Variants in UTRN observed in about 807,000 individuals in gnomAD.
The protein encoded by UTRN is utrophin.
Under a neutral mutation model 463.9 loss-of-function variants are expected in UTRN, and 283 were observed. The observed-to-expected ratio is 0.61, with a 90% CI of 0.55 to 0.67. The LOEUF is 0.67. UTRN is among the 30% of genes least tolerant of loss of function. The pLI, the probability that UTRN is intolerant of heterozygous loss-of-function variation, is 0.00. For synonymous variants in UTRN, 1,442 were observed against 1,431.5 expected (o/e 1.01, Z -0.17); for missense variants, 3,922 against 4,084.3 (o/e 0.96, Z 1.08).
intron 51 of UTRN, among the ~76,000 whole-genome samples, chr6:144,603,133 G>A (rs919076930): frequency 2.0e-5 from 3 of 151,992 alleles, no homozygotes; most frequent in Non-Finnish European, 4.4e-5. Context: ...AAGCATATTT[G>A]TATTTCTTTA....
In UTRN at chr6:144,678,507, T is replaced by TATGA; in HGVS notation, c.7584_7585insAATG (p.Leu2529AsnfsTer8). 6.2e-7 allele frequency: 1 copy of TATGA among 1,613,298 alleles called. No individual in the cohort carries two copies. The highest frequency in any genetic ancestry group is 8.5e-7 in the Non-Finnish European group (1 of 1,179,550). Reference sequence around the variant, plus strand: ...CTTTGGGAAATTCTGAAGAGGCTACTATGCTTCAACATCGACTGGATGATA... The same window carrying TATGA: ...CTTTGGGAAATTCTGAAGAGGCTACTATGAATGCTTCAACATCGACTGGATGATA... On this transcript the variant is annotated frameshift_variant, in exon 52 of 75. Coordinates refer to ENST00000367545, the MANE Select transcript of UTRN (RefSeq NM_007124.3). LOFTEE classifies it high-confidence loss of function.
chr6:144,814,566 A>G (rs2128751085), intron 65 of UTRN, among the ~76,000 whole-genome samples: 1 of 152,358 alleles, frequency 6.6e-6, no homozygotes, highest in South Asian at 2.1e-4. Context: ...AAAATGAGCA[A>G]CAAAAGTATC....
chr6:144,840,761 C>T lies in UTRN; in HGVS notation c.10199C>T (p.Pro3400Leu), dbSNP rs775432877. The T allele has an allele frequency of 2.5e-6, 4 of 1,614,004 alleles. No individual in the cohort carries two copies. The South Asian group carries it at 4.4e-5, about 18-fold the overall frequency. The change falls in exon 73 of 75, where the codon CCA becomes CTA. Residue 3400 changes from proline to leucine, a missense_variant. Pro to Leu is a moderately conservative substitution (Grantham distance 98, BLOSUM62 -3). Transcript: ENST00000367545. ...ACAGCGGGAGAGGACCTGCTGGCCC[C>T]ACCGCACGACACCAGCACGGATCTC... ...HQAAGEDLLA[P>L]PHDTSTDLTE... is the part of the protein sequence containing the mutation.
intron 9 of UTRN, among the ~76,000 whole-genome samples, chr6:144,430,409 A>T (rs1785695821): frequency 6.6e-6 from 1 of 152,158 alleles, no homozygotes; most frequent in East Asian, 1.9e-4. Context: ...TCATAAGATG[A>T]GAGAATCTTA....
At chr6:144,386,916 A>G (rs1263270011) in intron 2 of UTRN, among the ~76,000 whole-genome samples, 2 of 152,174 alleles carry the variant, frequency 1.3e-5, no homozygotes, top group Non-Finnish European at 2.9e-5. Flanking sequence ...CACTTCCGAA[A>G]TACTCCATTT....
chr6:144,386,977 A>C (rs1305425027), intron 2 of UTRN, among the ~76,000 whole-genome samples: 3 of 152,130 alleles, frequency 2.0e-5, no homozygotes, highest in Admixed American at 6.5e-5. Context: ...ATTTCATCAA[A>C]GTACATAAGC....
intron 2 of UTRN, among the ~76,000 whole-genome samples, chr6:144,362,425 T>C (rs1398965629): frequency 2.6e-5 from 4 of 152,360 alleles, no homozygotes; most frequent in Admixed American, 2.6e-4. Context: ...CAGAAAAATT[T>C]TGAATGTATT....
In UTRN at chr6:144,565,202, T is replaced by C. The variant is rs1800294582; in HGVS notation, c.7289+7891T>C. 1.3e-5 allele frequency among the ~76,000 whole-genome samples: 2 copies of C among 152,166 alleles called. 1 individual carries two copies. Among genetic ancestry groups the C allele is most frequent in the South Asian group, 4.1e-4 (2 of 4,828 alleles). On this transcript the variant is annotated intron_variant, in intron 50 of 74. Coordinates refer to ENST00000367545, the MANE Select transcript of UTRN (RefSeq NM_007124.3). ...GGAAACAATCCAAGATGGTATTTTG[T>C]AAAAGGATGAGTGGTGGTACCATTC...
Position 144,682,734 on chromosome 6 carries a change from AT to A in UTRN, c.7652+4159del, listed in dbSNP as rs562432605. On this transcript the variant is annotated intron_variant, in intron 52 of 74. Transcript: ENST00000367545. ...TAAATGATCTCTTCTTTATTTTTAT[AT>A]TTAAAAAATGAATAAGATAAAATTA... Among the ~76,000 whole-genome samples the A allele has an allele frequency of 3.4e-3, 511 of 152,318 alleles. 1 individual carries two copies. Among genetic ancestry groups the A allele is most frequent in the African/African-American group, 0.012 (479 of 41,582 alleles).
chr6:144,408,416 C>T (rs931346140), intron 3 of UTRN, among the ~76,000 whole-genome samples: 2 of 152,240 alleles, frequency 1.3e-5, no homozygotes, highest in African/African-American at 2.4e-5. Flanking sequence ...CAGAGCTGCT[C>T]ATCTGGCAGA....
At chr6:144,774,408 CGT>C in intron 60 of UTRN, 44 bp downstream of exon 60, 1 of 1,368,482 alleles carries the variant, frequency 7.3e-7, no homozygotes, top group Non-Finnish European at 9.6e-7. Flanking sequence ...ACTTGAATTG[CGT>C]TTTTTTTTTT....
intron 41 of UTRN, among the ~76,000 whole-genome samples, chr6:144,523,586 C>T (rs959144450): frequency 6.6e-6 from 1 of 152,166 alleles, no homozygotes; most frequent in Non-Finnish European, 1.5e-5. Flanking sequence ...GCTGGGATTA[C>T]AGGTGTGAGC....
Position 144,514,736 on chromosome 6 carries a change from C to T in UTRN, c.5160C>T (p.Ser1720=). 3 of 1,614,122 alleles carry T rather than the reference C, an allele frequency of 1.9e-6. No individual in the cohort carries two copies. Among genetic ancestry groups the T allele is most frequent in the Non-Finnish European group, 1.7e-6 (2 of 1,180,006 alleles). The change falls in exon 37 of 75, where the codon AGC becomes AGT. Residue 1720 remains serine (S), a synonymous_variant. Coordinates refer to ENST00000367545, the MANE Select transcript of UTRN (RefSeq NM_007124.3). ...TTATTTTGATGAATGCCCGTGGAAGCTCAAGCAGGGAGCTTGTAGAACCAA... is the reference window on the plus strand; with the variant it reads ...TTATTTTGATGAATGCCCGTGGAAGTTCAAGCAGGGAGCTTGTAGAACCAA... ...QALILMNARG[S]SSRELVEPKL...
chr6:144,415,429 A>T (rs993841957), intron 3 of UTRN, among the ~76,000 whole-genome samples: 1 of 152,208 alleles, frequency 6.6e-6, no homozygotes, highest in African/African-American at 2.4e-5. Flanking sequence ...TTTGTTATTG[A>T]TACAAAGAAT....
chr6:144,309,718 G>A (rs1806076085), intron 2 of UTRN, among the ~76,000 whole-genome samples: 1 of 152,150 alleles, frequency 6.6e-6, no homozygotes, highest in Admixed American at 6.5e-5. Flanking sequence ...ACAGTAGAGG[G>A]ATCCTTTTCA....
At position 144,487,675 on chromosome 6, in the gene UTRN, G is replaced by A. The variant is rs1253895531; in HGVS notation, c.3950G>A (p.Arg1317Gln). The A allele has an allele frequency of 3.7e-6, 6 of 1,612,178 alleles. No homozygotes were observed. Among genetic ancestry groups the A allele is most frequent in the East Asian group, 4.5e-5 (2 of 44,820 alleles). ...GAGAAACTGGAGGCTTTCAACAGCC[G>A]ATATGAAGATCTAAGTCACCTGGTA... is the stretch of plus-strand genomic sequence containing the variant. ...ISEKLEAFNS[R>Q]YEDLSHLAES... is the part of the protein sequence containing the mutation. The change falls in exon 29 of 75, where the codon CGA becomes CAA. Residue 1317 changes from arginine (R) to glutamine (Q), a missense_variant. This residue lies in a region of UTRN where 2,349 missense variants were observed against 2,303.8 expected (regional missense o/e 1.02). Coordinates refer to ENST00000367545, the MANE Select transcript of UTRN (RefSeq NM_007124.3).
Position 144,825,656 on chromosome 6 carries a change from C to CA in UTRN, c.9495-1684dup, listed in dbSNP as rs540081780. 1.7e-4 allele frequency among the ~76,000 whole-genome samples: 25 copies of CA among 151,378 alleles called. No homozygotes were observed. In the South Asian group the frequency reaches 2.5e-3, roughly 15 times the overall value. On this transcript the variant is annotated intron_variant, in intron 66 of 74. Transcript: ENST00000367545. Reference sequence around the variant, plus strand: ...AGAGCTTTCCCAAGGTTGATTAAGACAAAAAAAATACACACTTTTCTTCTA... The same window carrying CA: ...AGAGCTTTCCCAAGGTTGATTAAGACAAAAAAAAATACACACTTTTCTTCTA...
intron 51 of UTRN, among the ~76,000 whole-genome samples, chr6:144,597,923 T>G (rs1803825751): frequency 6.6e-6 from 1 of 152,224 alleles, no homozygotes; most frequent in African/African-American, 2.4e-5. Context: ...ATATCTAGAA[T>G]TTTTACACTG....
At chr6:144,438,706 A>G (rs1411138706) in intron 11 of UTRN, 39 bp from the exon 12 acceptor site, 12 of 1,608,676 alleles carry the variant, frequency 7.5e-6, no homozygotes, top group South Asian at 1.1e-5. Flanking sequence ...TGCAAAGGGA[A>G]AAGGCTTGTA....
Sources: gnomAD v4.1 joint callset for allele counts (sites outside exome capture counted in the v4.1 genomes callset) on GRCh38, gnomAD v4.1.1 for gene constraint, gnomAD v4.1.1 regional missense constraint, MANE v1.5 for transcripts, NCBI Gene and HGNC (gene_info 2026-07-23, HGNC 2026-07-21) for gene names.